The following GALNT2 variants were observed in gnomAD, a reference collection of about 807,000 sequenced individuals.
GALNT2 encodes UDP-GalNAc:polypeptide N-acetylgalactosaminyltransferase 2.
Under a neutral mutation model 81.4 loss-of-function variants are expected in GALNT2, and 31 were observed. That is an observed-to-expected ratio of 0.38 (90% confidence interval 0.29 to 0.51). The LOEUF is 0.51. Among genes scored for constraint, GALNT2 ranks in the 20% least tolerant of loss-of-function variants. The pLI is 0.87. For missense variants in GALNT2, 629 were observed against 765.7 expected (o/e 0.82, Z 2.11); for synonymous variants, 303 against 287.4 (o/e 1.05, Z -0.55).
At chr1:230,274,046 A>G (rs1447055851) in intron 14 of GALNT2, among the ~76,000 whole-genome samples, 1 of 152,274 alleles carries the variant, frequency 6.6e-6, no homozygotes, top group East Asian at 1.9e-4. Flanking sequence ...CCAAAATAGC[A>G]TGGGTGGACC....
chr1:230,063,539 A>G (rs1659097538), upstream of GALNT2, among the ~76,000 whole-genome samples: 1 of 152,186 alleles, frequency 6.6e-6, no homozygotes, highest in Admixed American at 6.5e-5. Context: ...TCTGATTCCC[A>G]GGTCTAGAAA....
upstream of GALNT2, among the ~76,000 whole-genome samples, chr1:230,065,153 C>T (rs2102735876): frequency 6.6e-6 from 1 of 152,182 alleles, no homozygotes. Context: ...CCTTTCCTGG[C>T]TTTTATTTTA....
At chr1:230,274,629 C>T (rs1666237597) in intron 15 of GALNT2, 65 bp downstream of exon 15, 1 of 1,593,826 alleles carries the variant, frequency 6.3e-7, no homozygotes, top group Non-Finnish European at 8.6e-7. Context: ...ACGGCCTGCG[C>T]CCTCTTGCTC....
chr1:230,225,272 C>G (rs1175602274), intron 3 of GALNT2, among the ~76,000 whole-genome samples: 20 of 152,208 alleles, frequency 1.3e-4, no homozygotes. Context: ...AGTTTACATT[C>G]TATCCAGTAG....
intron 1 of GALNT2, among the ~76,000 whole-genome samples, chr1:230,124,441 T>C (rs1661113348): frequency 6.6e-6 from 1 of 152,152 alleles, no homozygotes; most frequent in African/African-American, 2.4e-5. Flanking sequence ...GTGTTAATGT[T>C]ACTAAAAAGC....
At chr1:230,274,585 T>A in intron 15 of GALNT2, 21 bp downstream of exon 15, 8 of 1,613,048 alleles carry the variant, frequency 5.0e-6, no homozygotes, top group Middle Eastern at 1.7e-4. Flanking sequence ...CAGGCACCCG[T>A]GGGTGCCCGT....
At chr1:230,154,304 C>T (rs1053701417) in intron 1 of GALNT2, among the ~76,000 whole-genome samples, 5 of 152,206 alleles carry the variant, frequency 3.3e-5, no homozygotes, top group Non-Finnish European at 5.9e-5. Context: ...AAAGAAACCC[C>T]GGCCCTTTAG....
intron 1 of GALNT2, among the ~76,000 whole-genome samples, chr1:230,173,763 T>C (rs1662869658): frequency 6.6e-6 from 1 of 152,234 alleles, no homozygotes; most frequent in Admixed American, 6.5e-5. Context: ...ATTCAGTACA[T>C]TTCCATTTTT....
chr1:230,148,725 T>C (rs1353744583), intron 1 of GALNT2, among the ~76,000 whole-genome samples: 2 of 151,598 alleles, frequency 1.3e-5, no homozygotes, highest in Non-Finnish European at 2.9e-5. Flanking sequence ...TAGCTGGGAC[T>C]ACAGGTGTGC....
At chr1:230,153,786 G>A (rs1487489067) in intron 1 of GALNT2, among the ~76,000 whole-genome samples, 2 of 152,232 alleles carry the variant, frequency 1.3e-5, no homozygotes, top group African/African-American at 4.8e-5. Context: ...TCCCACTCCT[G>A]GGCCTCCTGG....
At chr1:230,173,996 C>T (rs1292057113) in intron 1 of GALNT2, among the ~76,000 whole-genome samples, 1 of 152,128 alleles carries the variant, frequency 6.6e-6, no homozygotes, top group Non-Finnish European at 1.5e-5. Flanking sequence ...AATATGACAG[C>T]TTTCCTTACC....
intron 2 of GALNT2, among the ~76,000 whole-genome samples, chr1:230,202,331 T>C (rs1266469605): frequency 2.0e-5 from 3 of 152,196 alleles, no homozygotes; most frequent in Non-Finnish European, 4.4e-5. Context: ...TTCACTCGCC[T>C]AGCAGTGCTC....
At chr1:230,088,607 G>A (rs1037411219) in intron 1 of GALNT2, among the ~76,000 whole-genome samples, 1 of 149,930 alleles carries the variant, frequency 6.7e-6, no homozygotes, top group Middle Eastern at 3.2e-3. Flanking sequence ...GCGCTATCTC[G>A]GCTCAGTGCA....
At chr1:230,094,899 C>T (rs1054987856) in intron 1 of GALNT2, among the ~76,000 whole-genome samples, 6 of 152,278 alleles carry the variant, frequency 3.9e-5, no homozygotes, top group South Asian at 2.1e-4. Context: ...TCCGATACCT[C>T]GCCTTCCCTG....
At chr1:230,154,078 T>G (rs1662172046) in intron 1 of GALNT2, among the ~76,000 whole-genome samples, 1 of 152,198 alleles carries the variant, frequency 6.6e-6, no homozygotes, top group Admixed American at 6.5e-5. Context: ...CAGTGCTTTT[T>G]GAAAAGAGCT....
chr1:230,067,851 G>A (rs753428356), intron 1 of GALNT2, among the ~76,000 whole-genome samples: 14 of 152,210 alleles, frequency 9.2e-5, no homozygotes, highest in Non-Finnish European at 1.6e-4. Context: ...TGATACCAGC[G>A]GCTGCAAATC....
chr1:230,236,292 C>A, intron 4 of GALNT2, 61 bp from the exon 5 acceptor site: 1 of 1,536,448 alleles, frequency 6.5e-7, no homozygotes, highest in South Asian at 1.1e-5. Context: ...ATTTTCTACC[C>A]CAGGCTAAAA....
At chr1:230,151,696 G>C (rs772435776) in intron 1 of GALNT2, among the ~76,000 whole-genome samples, 1 of 152,142 alleles carries the variant, frequency 6.6e-6, no homozygotes, top group Non-Finnish European at 1.5e-5. Context: ...TACAGGAAAG[G>C]GGTCCCGATC....
intron 1 of GALNT2, among the ~76,000 whole-genome samples, chr1:230,076,013 G>C (rs1659543676): frequency 6.6e-6 from 1 of 152,238 alleles, no homozygotes; most frequent in Non-Finnish European, 1.5e-5. Context: ...TGTTGCCTTT[G>C]GTTGGCTAGT....
Sources: gnomAD v4.1 joint callset for allele counts (sites outside exome capture counted in the v4.1 genomes callset) on GRCh38, gnomAD v4.1.1 for gene constraint, MANE v1.5 for transcripts, NCBI Gene and HGNC (gene_info 2026-07-23, HGNC 2026-07-21) for gene names.